CSMD1: variants seen among roughly 807,000 people sequenced by gnomAD.
CSMD1 encodes the protein CUB and Sushi multiple domains 1.
A neutral mutation model predicts 417.5 loss-of-function variants in CSMD1; 213 were observed. The ratio of observed to expected loss-of-function variants is 0.51; its 90% CI spans 0.46 to 0.57. The LOEUF (loss-of-function observed/expected upper bound fraction) is 0.57, where lower values mean the gene tolerates loss of function less well. Ranked by LOEUF, CSMD1 falls within the 20% of genes least tolerant of loss-of-function variation. CSMD1 has a pLI of 0.00. For missense variants in CSMD1, 6,923 were observed against 4,529.7 expected (o/e 1.53, Z -15.17); for synonymous variants, 2,862 against 1,736.8 (o/e 1.65, Z -16.11).
At chr8:3,006,968 C>A (rs1807965773) in intron 52 of CSMD1, among the ~76,000 whole-genome samples, 1 of 141,882 alleles carries the variant, frequency 7.0e-6, no homozygotes, top group Non-Finnish European at 1.5e-5. Flanking sequence ...AAAGAAACTA[C>A]CATCAGAGTG....
At chr8:4,857,140 A>G (rs1159000498) in intron 1 of CSMD1, among the ~76,000 whole-genome samples, 1 of 151,330 alleles carries the variant, frequency 6.6e-6, no homozygotes, top group Non-Finnish European at 1.5e-5. Context: ...CTACATGGAA[A>G]CTGAACAACC....
At chr8:3,471,532 C>G (rs1222529052) in intron 11 of CSMD1, among the ~76,000 whole-genome samples, 2 of 150,240 alleles carry the variant, frequency 1.3e-5, no homozygotes, top group African/African-American at 4.9e-5. Flanking sequence ...TTCGTTCCTT[C>G]CTTCCTTCAT....
At chr8:3,768,806 C>G (rs1188727141) in intron 5 of CSMD1, among the ~76,000 whole-genome samples, 2 of 152,212 alleles carry the variant, frequency 1.3e-5, no homozygotes, top group Admixed American at 6.5e-5. Context: ...TTGCTGGTAA[C>G]TTGCTAATCC....
chr8:3,627,521 C>T (rs549531411), intron 7 of CSMD1, among the ~76,000 whole-genome samples: 3 of 152,236 alleles, frequency 2.0e-5, no homozygotes, highest in East Asian at 1.9e-4. Context: ...TATGAGACTA[C>T]TTTTAGTATG....
At chr8:3,935,321 T>C (rs75548021) in intron 5 of CSMD1, among the ~76,000 whole-genome samples, 15,790 of 152,268 alleles carry the variant, frequency 0.1, 953 homozygotes, top group Non-Finnish European at 0.13. Flanking sequence ...AACACTTATA[T>C]ATATTAGTGA....
At chr8:3,785,873 T>C (rs1483425105) in intron 5 of CSMD1, among the ~76,000 whole-genome samples, 1 of 152,208 alleles carries the variant, frequency 6.6e-6, no homozygotes, top group Non-Finnish European at 1.5e-5. Context: ...AAGAGGGATA[T>C]GTCATGTTTG....
At chr8:3,246,212 G>C (rs970434925) in intron 26 of CSMD1, among the ~76,000 whole-genome samples, 1 of 152,040 alleles carries the variant, frequency 6.6e-6, no homozygotes, top group Non-Finnish European at 1.5e-5. Context: ...TCAGGGCCCT[G>C]CCTGCCACAC....
At chr8:4,084,776 T>G (rs755842478) in intron 3 of CSMD1, among the ~76,000 whole-genome samples, 2 of 151,092 alleles carry the variant, frequency 1.3e-5, no homozygotes, top group East Asian at 2.0e-4. Context: ...GGCTTTTATG[T>G]AGCATTTCCA....
intron 1 of CSMD1, among the ~76,000 whole-genome samples, chr8:4,921,706 G>A (rs1806510581): frequency 6.6e-6 from 1 of 152,154 alleles, no homozygotes; most frequent in Non-Finnish European, 1.5e-5. Flanking sequence ...GAATGTGTAT[G>A]CAATGTTTAC....
chr8:4,787,829 T>C (rs10503283), intron 1 of CSMD1: 27 of 1,574,052 alleles, frequency 1.7e-5, no homozygotes, highest in Middle Eastern at 2.3e-4. Flanking sequence ...CAGGCTATAT[T>C]TGAAATGCTG....
intron 49 of CSMD1, among the ~76,000 whole-genome samples, chr8:3,053,098 G>T (rs564710756): frequency 1.3e-5 from 2 of 152,134 alleles, no homozygotes; most frequent in Admixed American, 6.5e-5. Flanking sequence ...CTATTTCTAG[G>T]GTATGGGATA....
rs1312204323 is a variant in CSMD1, at chr8:4,897,159, C to T, written c.85+97173G>A. Among the ~76,000 whole-genome samples the T allele has an allele frequency of 2.0e-5, 3 of 151,880 alleles. No individual in the cohort carries two copies. In the East Asian group the frequency reaches 5.8e-4, roughly 29 times the overall value. Reference sequence around the variant, plus strand: ...CAAGGCAGGTGCACGTTATTATCTCCCGAGTGCAGAAGAGGAAGCTGTGCA... The same window carrying T: ...CAAGGCAGGTGCACGTTATTATCTCTCGAGTGCAGAAGAGGAAGCTGTGCA... On this transcript the variant is annotated intron_variant, in intron 1 of 69. Coordinates refer to ENST00000635120, the MANE Select transcript of CSMD1 (RefSeq NM_033225.6).
At chr8:3,884,672 C>CT (rs1034277732) in intron 5 of CSMD1, among the ~76,000 whole-genome samples, 4 of 152,034 alleles carry the variant, frequency 2.6e-5, no homozygotes, top group African/African-American at 9.7e-5. Context: ...ATATTCTTCT[C>CT]TTTTAAATTA....
At chr8:4,514,168 T>G (rs901128711) in intron 2 of CSMD1, among the ~76,000 whole-genome samples, 3 of 152,166 alleles carry the variant, frequency 2.0e-5, no homozygotes, top group African/African-American at 4.8e-5. Context: ...TCTTCCTGGC[T>G]TGCAAAATGC....
chr8:3,318,413 A>G (rs1805923409), intron 23 of CSMD1, among the ~76,000 whole-genome samples: 1 of 152,214 alleles, frequency 6.6e-6, no homozygotes, highest in South Asian at 2.1e-4. Flanking sequence ...TCGGCTTCAG[A>G]TATTTTGCTA....
chr8:3,427,786 C>G (rs538503359), intron 12 of CSMD1, among the ~76,000 whole-genome samples: 3 of 152,208 alleles, frequency 2.0e-5, no homozygotes, highest in African/African-American at 7.2e-5. Context: ...AGAGAGGAAA[C>G]AAGAGACTAC....
intron 23 of CSMD1, among the ~76,000 whole-genome samples, chr8:3,336,878 C>T (rs961489783): frequency 6.6e-6 from 1 of 152,154 alleles, no homozygotes; most frequent in Non-Finnish European, 1.5e-5. Flanking sequence ...CTGAGATGGT[C>T]AGATCCTAGT....
intron 3 of CSMD1, among the ~76,000 whole-genome samples, chr8:4,219,468 C>G (rs1018972318): frequency 7.9e-5 from 12 of 152,174 alleles, no homozygotes; most frequent in Admixed American, 3.9e-4. Flanking sequence ...CTCTTGAACT[C>G]TAGTCCTGAA....
At chr8:4,226,792 C>T (rs1362236369) in intron 3 of CSMD1, among the ~76,000 whole-genome samples, 1 of 152,084 alleles carries the variant, frequency 6.6e-6, no homozygotes, top group Non-Finnish European at 1.5e-5. Flanking sequence ...AAAACTCTGC[C>T]CCATTAGTGC....
Sources: gnomAD v4.1 joint callset for allele counts (sites outside exome capture counted in the v4.1 genomes callset) on GRCh38, gnomAD v4.1.1 for gene constraint, MANE v1.5 for transcripts, NCBI Gene and HGNC (gene_info 2026-07-23, HGNC 2026-07-21) for gene names.